The following ASPRV1 variants were observed in gnomAD, a reference collection of about 807,000 sequenced individuals.
ASPRV1 encodes aspartic peptidase retroviral like 1, also known as retroviral-like aspartic protease 1.
ASPRV1 carries 7 observed loss-of-function variants against 11.0 expected under a neutral mutation model. That is an observed-to-expected ratio of 0.64 (90% confidence interval 0.36 to 1.20). The LOEUF (loss-of-function observed/expected upper bound fraction) is 1.20, where lower values mean the gene tolerates loss of function less well. Ranked by LOEUF, ASPRV1 falls within the 50% of genes most tolerant of loss-of-function variation. The pLI is 0.02. For synonymous variants in ASPRV1, 136 were observed against 138.4 expected (o/e 0.98, Z 0.12); for missense variants, 299 against 320.0 (o/e 0.93, Z 0.50).
chr2:70,081,403 G>C, the ASPRV1 span: 2 of 151,734 alleles, frequency 1.3e-5, no homozygotes, highest in Admixed American at 1.3e-4. Context: ...GCTGAGGCAG[G>C]AGAATCACTT....
chr2:69,980,469 T>C, the ASPRV1 span, among the ~76,000 whole-genome samples: 7 of 150,324 alleles, frequency 4.7e-5, no homozygotes, highest in Non-Finnish European at 8.8e-5. Context: ...TGCACACACA[T>C]ACATACAAAT....
chr2:69,977,333 G>A, the ASPRV1 span, among the ~76,000 whole-genome samples: 3 of 152,332 alleles, frequency 2.0e-5, no homozygotes, highest in South Asian at 6.2e-4. Context: ...GGCACTGACA[G>A]CCACTGTGGG....
At chr2:70,050,929 C>G in the ASPRV1 span, 2 of 151,628 alleles carry the variant, frequency 1.3e-5, no homozygotes, top group East Asian at 3.9e-4. Flanking sequence ...GACAACAAAC[C>G]AAGACCCTGT....
At chr2:69,971,229 C>A in the ASPRV1 span, 4 of 151,968 alleles carry the variant, frequency 2.6e-5, no homozygotes, top group African/African-American at 9.7e-5. Flanking sequence ...TCATCATAAT[C>A]CAGTACACAT....
At chr2:70,004,133 G>T in the ASPRV1 span, among the ~76,000 whole-genome samples, 1 of 152,170 alleles carries the variant, frequency 6.6e-6, no homozygotes, top group Non-Finnish European at 1.5e-5. Flanking sequence ...GGTTGGCCAA[G>T]GCTCCAATTC....
At chr2:70,074,389 C>T in the ASPRV1 span, among the ~76,000 whole-genome samples, 6 of 150,332 alleles carry the variant, frequency 4.0e-5, no homozygotes, top group African/African-American at 1.2e-4. Flanking sequence ...CCTGGGTTCA[C>T]GCGATTCTCC....
chr2:70,073,546 G>C, the ASPRV1 span, among the ~76,000 whole-genome samples: 1 of 152,046 alleles, frequency 6.6e-6, no homozygotes, highest in Non-Finnish European at 1.5e-5. Context: ...ACGATACTTT[G>C]TTAAGTATTT....
the ASPRV1 span, among the ~76,000 whole-genome samples, chr2:69,949,101 T>C: frequency 6.6e-6 from 1 of 152,124 alleles, no homozygotes; most frequent in Admixed American, 6.5e-5. Context: ...CATTTCACTT[T>C]CTCTTATCAC....
the ASPRV1 span, among the ~76,000 whole-genome samples, chr2:70,026,302 G>C: frequency 6.6e-6 from 1 of 150,792 alleles, no homozygotes; most frequent in Non-Finnish European, 1.5e-5. Context: ...TATACATATG[G>C]AATGAGAAAA....
downstream of ASPRV1, among the ~76,000 whole-genome samples, chr2:69,959,710 G>A (rs1209070331): frequency 2.0e-5 from 3 of 152,080 alleles, no homozygotes; most frequent in African/African-American, 7.2e-5. Flanking sequence ...TCTCGCTCCT[G>A]GACAGCTGTA....
At chr2:70,062,784 T>C in the ASPRV1 span, among the ~76,000 whole-genome samples, 1 of 152,118 alleles carries the variant, frequency 6.6e-6, no homozygotes, top group African/African-American at 2.4e-5. Flanking sequence ...TTGGGCAACA[T>C]AGCGAGACCT....
At chr2:70,076,179 C>G in the ASPRV1 span, among the ~76,000 whole-genome samples, 1 of 152,156 alleles carries the variant, frequency 6.6e-6, no homozygotes, top group Non-Finnish European at 1.5e-5. Context: ...AGAACTCAAG[C>G]CTGACCTTTA....
chr2:69,968,209 A>G, the ASPRV1 span, among the ~76,000 whole-genome samples: 3 of 151,988 alleles, frequency 2.0e-5, no homozygotes, highest in Non-Finnish European at 4.4e-5. Flanking sequence ...AGTCTATTAA[A>G]ATTTTAAGTT....
chr2:69,980,715 T>C, the ASPRV1 span, among the ~76,000 whole-genome samples: 32 of 152,336 alleles, frequency 2.1e-4, no homozygotes, highest in South Asian at 6.0e-3. Flanking sequence ...ATAAAAGATA[T>C]ATGGGAATTC....
the ASPRV1 span, among the ~76,000 whole-genome samples, chr2:70,073,915 C>G: frequency 2.6e-5 from 4 of 151,806 alleles, no homozygotes; most frequent in African/African-American, 9.7e-5. Flanking sequence ...GGGCAGATCA[C>G]GAGGTCAGGA....
the ASPRV1 span, among the ~76,000 whole-genome samples, chr2:69,981,865 T>C: frequency 3.9e-5 from 6 of 152,126 alleles, no homozygotes; most frequent in Non-Finnish European, 7.3e-5. Context: ...GGCTATTTTC[T>C]CTACTTTTAA....
the ASPRV1 span, among the ~76,000 whole-genome samples, chr2:70,029,017 G>A: frequency 7.2e-5 from 11 of 152,216 alleles, no homozygotes; most frequent in South Asian, 2.1e-4. Flanking sequence ...CACCAGAGAG[G>A]CCCTAAAGTT....
At chr2:70,075,479 G>A in the ASPRV1 span, among the ~76,000 whole-genome samples, 22 of 152,192 alleles carry the variant, frequency 1.4e-4, no homozygotes, top group East Asian at 3.5e-3. Context: ...ATAAAACGGG[G>A]ATAAGAGTCA....
rs1678053700 is a variant in ASPRV1, at chr2:69,960,599, C to A, written c.*58G>T. 5 of 1,521,580 alleles carry A rather than the reference C, an allele frequency of 3.3e-6. No homozygotes were observed. Among genetic ancestry groups the A allele is most frequent in the South Asian group, 1.2e-5 (1 of 82,114 alleles). 94.3% of individuals were successfully genotyped at this position (1,521,580 alleles called of 1,614,324 possible). A position where few individuals can be genotyped will look rare whatever the true frequency, so the allele number is the denominator to read the frequency against. ...TGACCCCCATGAGGATATGCAACCCCCCCCACAGCGGTGGGTCTTCCCACC... is the reference window on the plus strand; with the variant it reads ...TGACCCCCATGAGGATATGCAACCCACCCCACAGCGGTGGGTCTTCCCACC... On this transcript the variant is annotated 3_prime_UTR_variant, in exon 1 of 1. Coordinates refer to ENST00000320256, the MANE Select transcript of ASPRV1 (RefSeq NM_152792.4).
Sources: allele counts gnomAD v4.1 joint callset (sites outside exome capture counted in the v4.1 genomes callset), GRCh38; gene constraint gnomAD v4.1.1; transcripts MANE v1.5; gene names NCBI Gene and HGNC (gene_info 2026-07-23, HGNC 2026-07-21).